LRCH1: variants seen among roughly 807,000 people sequenced by gnomAD.
LRCH1 encodes the protein leucine-rich repeat and calponin homology domain-containing protein 1.
LRCH1 carries 23 observed loss-of-function variants against 94.9 expected under a neutral mutation model. The observed-to-expected ratio is 0.24, with a 90% CI of 0.17 to 0.34. LRCH1 has a LOEUF of 0.34. LRCH1 is among the 10% of genes least tolerant of loss of function. The pLI is 1.00. For synonymous variants in LRCH1, 364 were observed against 354.9 expected, an observed-to-expected ratio of 1.03 and a Z score of -0.29; for missense variants, 790 against 945.9, an observed-to-expected ratio of 0.84 and a Z score of 2.16.
At chr13:46,650,754 G>T (rs2051284890) in intron 2 of LRCH1, among the ~76,000 whole-genome samples, 1 of 151,102 alleles carries the variant, frequency 6.6e-6, no homozygotes. Context: ...AGAAAGCCTG[G>T]GTGATCTTTG....
At chr13:46,560,140 C>CATATATATATATAT (rs58876595) in intron 1 of LRCH1, among the ~76,000 whole-genome samples, 18 of 133,888 alleles carry the variant, frequency 1.3e-4, no homozygotes, top group East Asian at 4.6e-4. Context: ...TCTGTTCCCC[C>CATATATATATATAT]ATATATATAG....
chr13:46,589,760 C>A (rs980013497), intron 1 of LRCH1, among the ~76,000 whole-genome samples: 1 of 151,894 alleles, frequency 6.6e-6, no homozygotes, highest in Non-Finnish European at 1.5e-5. Flanking sequence ...ACCAACACGC[C>A]CAGCTAATTT....
intron 1 of LRCH1, among the ~76,000 whole-genome samples, chr13:46,636,707 C>T (rs1197054382): frequency 6.6e-6 from 1 of 152,182 alleles, no homozygotes; most frequent in Non-Finnish European, 1.5e-5. Flanking sequence ...GCTGATTTGG[C>T]CCGGCAGCAG....
chr13:46,588,719 G>A (rs551797661), intron 1 of LRCH1, among the ~76,000 whole-genome samples: 3 of 149,796 alleles, frequency 2.0e-5, no homozygotes, highest in Non-Finnish European at 4.4e-5. Flanking sequence ...TCCTGCCTTA[G>A]CCTCCCGAGT....
At chr13:46,698,667 G>A (rs1343246134) in intron 9 of LRCH1, among the ~76,000 whole-genome samples, 1 of 152,198 alleles carries the variant, frequency 6.6e-6, no homozygotes, top group African/African-American at 2.4e-5. Context: ...CACAAGCACA[G>A]GAGAGGGATC....
intron 3 of LRCH1, among the ~76,000 whole-genome samples, chr13:46,675,801 G>C (rs2051664816): frequency 6.6e-6 from 1 of 152,154 alleles, no homozygotes; most frequent in Non-Finnish European, 1.5e-5. Context: ...AAGGCCCTCT[G>C]TGCTTCCATT....
chr13:46,566,770 C>A (rs1409606388), intron 1 of LRCH1, among the ~76,000 whole-genome samples: 1 of 152,162 alleles, frequency 6.6e-6, no homozygotes, highest in Non-Finnish European at 1.5e-5. Context: ...CTCGGGGTGA[C>A]ATAGAGATTT....
In LRCH1 at chr13:46,555,317, A is replaced by G. The variant is rs149164316; in HGVS notation, c.307+1614A>G. On this transcript the variant is annotated intron_variant, in intron 1 of 19. Coordinates refer to ENST00000389797, the MANE Select transcript of LRCH1 (RefSeq NM_001164211.2). The stretch of plus-strand genomic sequence containing the variant: ...TGAGCTAGCTATGCTATGGTTGGCT[A>G]TATCTGCAGAAAATAGAGCTGGCAT... Among the ~76,000 whole-genome samples, 864 of 152,342 alleles carry G rather than the reference A, an allele frequency of 5.7e-3. 9 individuals carry two copies. The highest frequency in any genetic ancestry group is 0.019 in the African/African-American group (801 of 41,560).
At chr13:46,620,733 A>G (rs530309801) in intron 1 of LRCH1, among the ~76,000 whole-genome samples, 11 of 152,354 alleles carry the variant, frequency 7.2e-5, no homozygotes, top group African/African-American at 2.4e-4. Context: ...TGAGTAGGAC[A>G]TTCCCATGCT....
At chr13:46,573,563 C>T (rs2050264427) in intron 1 of LRCH1, among the ~76,000 whole-genome samples, 1 of 151,982 alleles carries the variant, frequency 6.6e-6, no homozygotes, top group African/African-American at 2.4e-5. Flanking sequence ...AGAATGAGAT[C>T]CTGTCATTTG....
intron 2 of LRCH1, among the ~76,000 whole-genome samples, chr13:46,656,631 T>C (rs1402695760): frequency 6.6e-6 from 1 of 152,240 alleles, no homozygotes; most frequent in Non-Finnish European, 1.5e-5. Flanking sequence ...TTTCACAGGA[T>C]AGCAGAGTTG....
chr13:46,682,796 C>A (rs1369475666), intron 4 of LRCH1, among the ~76,000 whole-genome samples: 3 of 152,232 alleles, frequency 2.0e-5, no homozygotes, highest in Non-Finnish European at 2.9e-5. Context: ...TCAGACAGCC[C>A]TGCTTTGCAG....
chr13:46,612,646 C>T (rs1200598550), intron 1 of LRCH1, among the ~76,000 whole-genome samples: 2 of 152,132 alleles, frequency 1.3e-5, no homozygotes, highest in Non-Finnish European at 2.9e-5. Flanking sequence ...CTGGGGAAAA[C>T]GTATAGCTAG....
chr13:46,663,556 T>C (rs1357611517), intron 2 of LRCH1, among the ~76,000 whole-genome samples: 1 of 152,198 alleles, frequency 6.6e-6, no homozygotes, highest in African/African-American at 2.4e-5. Flanking sequence ...AACAGTCAGG[T>C]GTCATATGCA....
At chr13:46,668,924 T>C (rs560999957) in intron 2 of LRCH1, 106 bp from the exon 3 acceptor site, 1 of 1,169,334 alleles carries the variant, frequency 8.6e-7, no homozygotes, top group East Asian at 2.4e-5. Flanking sequence ...ATTTGTAAAA[T>C]GTCTTCTCAG....
chr13:46,641,207 G>T (rs1168448334), intron 1 of LRCH1, among the ~76,000 whole-genome samples: 1 of 152,146 alleles, frequency 6.6e-6, no homozygotes, highest in Non-Finnish European at 1.5e-5. Context: ...GTTCAGGATG[G>T]ATAGAAAGAT....
At chr13:46,591,293 T>C (rs2050496737) in intron 1 of LRCH1, among the ~76,000 whole-genome samples, 1 of 152,224 alleles carries the variant, frequency 6.6e-6, no homozygotes, top group South Asian at 2.1e-4. Flanking sequence ...TAAGCATATA[T>C]ATGTGTTACT....
chr13:46,619,748 G>A (rs1265932808), intron 1 of LRCH1, among the ~76,000 whole-genome samples: 2 of 152,150 alleles, frequency 1.3e-5, no homozygotes. Context: ...TTTTGCTGTT[G>A]TGGTGGTTGT....
intron 17 of LRCH1, among the ~76,000 whole-genome samples, chr13:46,728,371 G>A (rs780980369): frequency 6.6e-5 from 10 of 151,588 alleles, no homozygotes; most frequent in Admixed American, 2.6e-4. Context: ...ACCTGCCACC[G>A]TGCCTGGGAA....
Sources: allele counts gnomAD v4.1 joint callset (sites outside exome capture counted in the v4.1 genomes callset), GRCh38; gene constraint gnomAD v4.1.1; transcripts MANE v1.5; gene names NCBI Gene and HGNC (gene_info 2026-07-23, HGNC 2026-07-21).